The following CDYL variants were observed in gnomAD, a reference collection of about 807,000 sequenced individuals.
CDYL encodes the protein chromodomain Y-like protein.
CDYL carries 8 observed loss-of-function variants against 47.3 expected under a neutral mutation model. The ratio of observed to expected loss-of-function variants is 0.17; its 90% CI spans 0.10 to 0.31. CDYL has a LOEUF of 0.31. Among genes scored for constraint, CDYL ranks in the 10% least tolerant of loss-of-function variants. CDYL has a pLI of 1.00. For missense variants in CDYL, 471 were observed against 701.4 expected, an observed-to-expected ratio of 0.67 and a Z score of 3.71; for synonymous variants, 266 against 265.0, an observed-to-expected ratio of 1.00 and a Z score of -0.04.
intron 2 of CDYL, among the ~76,000 whole-genome samples, chr6:4,912,152 A>G (rs1453765987): frequency 6.6e-6 from 1 of 152,224 alleles, no homozygotes; most frequent in Non-Finnish European, 1.5e-5. Context: ...GAACGAGATG[A>G]TCCCTGGTGG....
chr6:4,825,904 C>G (rs1759969575), intron 1 of CDYL, among the ~76,000 whole-genome samples: 1 of 151,252 alleles, frequency 6.6e-6, no homozygotes, highest in African/African-American at 2.4e-5. Context: ...GCTGAGACTG[C>G]CCATAACAAC....
In CDYL at chr6:4,947,619, G is replaced by A. The variant is rs539658696; in HGVS notation, c.1332+3863G>A. Among the ~76,000 whole-genome samples, 177 of 151,912 alleles carry A rather than the reference G, an allele frequency of 1.2e-3. 1 individual carries two copies. The highest frequency in any genetic ancestry group is 2.9e-3 in the South Asian group (14 of 4,822). ...GTTGGGGGGTGGTCCCTCATTGCCA[G>A]CTGGGGAGCCGTGCAGTTTCTAAAC... On this transcript the variant is annotated intron_variant, in intron 5 of 6. Transcript: ENST00000397588.
At chr6:4,952,970 G>A (rs1275897946) in intron 6 of CDYL, among the ~76,000 whole-genome samples, 1 of 151,856 alleles carries the variant, frequency 6.6e-6, no homozygotes, top group Non-Finnish European at 1.5e-5. Context: ...GTCTCACCAC[G>A]TTGGCCAGGC....
intron 5 of CDYL, among the ~76,000 whole-genome samples, chr6:4,948,938 T>C (rs1002534592): frequency 6.6e-6 from 1 of 152,264 alleles, no homozygotes; most frequent in Admixed American, 6.5e-5. Context: ...TTTGGTGTAC[T>C]TGAGCTTTCA....
chr6:4,788,787 C>T (rs987707625), intron 1 of CDYL, among the ~76,000 whole-genome samples: 7 of 151,698 alleles, frequency 4.6e-5, no homozygotes, highest in East Asian at 1.9e-4. Context: ...CGTGTTTCTC[C>T]GGAATTTGTG....
chr6:4,794,299 G>A (rs1039922908), intron 1 of CDYL, among the ~76,000 whole-genome samples: 1 of 152,090 alleles, frequency 6.6e-6, no homozygotes, highest in African/African-American at 2.4e-5. Context: ...AGGAGGGAAC[G>A]AGCCCCACTG....
rs1581199670 is a variant in CDYL at position 4,835,268 on chromosome 6, T to C, written c.25-56445T>C. 2.0e-5 allele frequency among the ~76,000 whole-genome samples: 3 copies of C among 152,310 alleles called. No individual in the cohort carries two copies. In the South Asian group the frequency reaches 6.2e-4, roughly 32 times the overall value. On this transcript the variant is annotated intron_variant, in intron 1 of 6. Transcript: ENST00000397588. Reference sequence around the variant, plus strand: ...GTTTTTGGTGTGGATGTCCTTTCTGTTTGTTAGTTTTCTTTCTAACAGACA... The same window carrying C: ...GTTTTTGGTGTGGATGTCCTTTCTGCTTGTTAGTTTTCTTTCTAACAGACA...
chr6:4,949,575 C>T (rs776756639), intron 5 of CDYL, among the ~76,000 whole-genome samples: 1 of 152,190 alleles, frequency 6.6e-6, no homozygotes, highest in Non-Finnish European at 1.5e-5. Context: ...TTGACCACAT[C>T]ATGGGGTGAT....
intron 2 of CDYL, among the ~76,000 whole-genome samples, chr6:4,912,709 G>A (rs1281333468): frequency 6.6e-6 from 1 of 152,158 alleles, no homozygotes; most frequent in South Asian, 2.1e-4. Context: ...CAGGATCAAG[G>A]GGCCCCCTCT....
At chr6:4,829,170 A>T (rs1252108663) in intron 1 of CDYL, among the ~76,000 whole-genome samples, 1 of 152,116 alleles carries the variant, frequency 6.6e-6, no homozygotes, top group African/African-American at 2.4e-5. Flanking sequence ...TACTGTTGAA[A>T]ACTGCACATT....
intron 1 of CDYL, among the ~76,000 whole-genome samples, chr6:4,840,611 G>T (rs1760458868): frequency 6.6e-6 from 1 of 152,082 alleles, no homozygotes; most frequent in African/African-American, 2.4e-5. Context: ...TCGTAAAGGG[G>T]TGCTGGATTT....
At chr6:4,795,708 CTTT>C (rs554269888) in intron 1 of CDYL, among the ~76,000 whole-genome samples, 1 of 143,394 alleles carries the variant, frequency 7.0e-6, no homozygotes, top group African/African-American at 2.5e-5. Flanking sequence ...TTTCTTTTCT[CTTT>C]TTTTTTTTAA....
Position 4,935,786 on chromosome 6 carries a change from T to G in CDYL, c.948+15T>G. ...TAAATCCAGAGGTGAGAGGCGCTCTTGGGCTGGCGTGGGCTTCGCGCTTCT... is the reference window on the plus strand; with the variant it reads ...TAAATCCAGAGGTGAGAGGCGCTCTGGGGCTGGCGTGGGCTTCGCGCTTCT... On this transcript the variant is annotated intron_variant, in intron 3 of 6. Transcript: ENST00000397588. The G allele has an allele frequency of 1.2e-6, 2 of 1,611,744 alleles. No homozygotes were observed. The highest frequency in any genetic ancestry group is 1.7e-6 in the Non-Finnish European group (2 of 1,177,972).
At chr6:4,871,006 C>G (rs1238437709) in intron 1 of CDYL, among the ~76,000 whole-genome samples, 5 of 152,192 alleles carry the variant, frequency 3.3e-5, no homozygotes, top group African/African-American at 1.2e-4. Context: ...ACTGACTGTT[C>G]TAATTTGAGT....
intron 3 of CDYL, among the ~76,000 whole-genome samples, chr6:4,743,087 T>A (rs1316916675): frequency 6.6e-6 from 1 of 152,230 alleles, no homozygotes; most frequent in Non-Finnish European, 1.5e-5. Flanking sequence ...CTCTTTATGC[T>A]CTGGCCATCC....
At chr6:4,914,310 C>T (rs1257457808) in intron 2 of CDYL, among the ~76,000 whole-genome samples, 2 of 151,240 alleles carry the variant, frequency 1.3e-5, no homozygotes, top group East Asian at 2.0e-4. Flanking sequence ...CAGGAGAGTA[C>T]GGCTCCGTGC....
chr6:4,837,918 C>T (rs866649402), intron 1 of CDYL, among the ~76,000 whole-genome samples: 12 of 151,476 alleles, frequency 7.9e-5, no homozygotes, highest in Admixed American at 2.6e-4. Context: ...GGACTACAGG[C>T]GTGCACCAAC....
chr6:4,927,163 T>G (rs943579797), intron 2 of CDYL, among the ~76,000 whole-genome samples: 1 of 152,212 alleles, frequency 6.6e-6, no homozygotes, highest in Non-Finnish European at 1.5e-5. Flanking sequence ...GAATACCTTT[T>G]GTGTGTAAAA....
intron 1 of CDYL, among the ~76,000 whole-genome samples, chr6:4,800,905 A>G (rs1759208747): frequency 6.6e-6 from 1 of 152,164 alleles, no homozygotes; most frequent in Admixed American, 6.6e-5. Context: ...AGGTGTGTCT[A>G]GAAGAAGTTT....
Sources: gnomAD v4.1 joint callset for allele counts (sites outside exome capture counted in the v4.1 genomes callset) on GRCh38, gnomAD v4.1.1 for gene constraint, MANE v1.5 for transcripts, NCBI Gene and HGNC (gene_info 2026-07-23, HGNC 2026-07-21) for gene names.